Variants in HSPA12B observed in about 807,000 individuals in gnomAD.
The protein encoded by HSPA12B is heat shock protein family A (Hsp70) member 12B.
HSPA12B carries 54 observed loss-of-function variants against 69.3 expected under a neutral mutation model. The ratio of observed to expected loss-of-function variants is 0.78; its 90% confidence interval spans 0.63 to 0.98. The LOEUF is 0.98. Ranked by LOEUF, HSPA12B falls within the 50% of genes least tolerant of loss-of-function variation. The pLI, the probability that HSPA12B is intolerant of heterozygous loss-of-function variation, is 0.00. For missense variants in HSPA12B, 929 were observed against 999.8 expected (o/e 0.93, Z 0.96); for synonymous variants, 441 against 436.5 (o/e 1.01, Z -0.13).
chr20:3,752,048 C>T lies in HSPA12B; in HGVS notation c.1943C>T (p.Pro648Leu). 1 of 1,551,474 alleles carries T rather than the reference C, an allele frequency of 6.4e-7. No homozygotes were observed. The highest frequency in any genetic ancestry group is 8.7e-7 in the Non-Finnish European group (1 of 1,155,000). ...DCGQDTAGAPPGRREIRAAMQ... is the reference protein window; with the variant it reads ...DCGQDTAGAPLGRREIRAAMQ... ...GGCCAGGACACCGCCGGCGCGCCTCCCGGCCGCCGCGAGATCCGCGCCGCC... is the reference window on the plus strand; with the variant it reads ...GGCCAGGACACCGCCGGCGCGCCTCTCGGCCGCCGCGAGATCCGCGCCGCC... Residue 648 changes from proline (P) to leucine (L), a missense_variant, in exon 13 of 13, where the codon CCC (proline) becomes CTC (leucine). By Grantham distance (98) the Pro-to-Leu change is moderately conservative. Coordinates refer to ENST00000254963, the MANE Select transcript of HSPA12B (RefSeq NM_052970.5).
At chr20:3,736,118 G>A (rs780539347) in intron 1 of HSPA12B, among the ~76,000 whole-genome samples, 1 of 152,204 alleles carries the variant, frequency 6.6e-6, no homozygotes, top group Admixed American at 6.5e-5. Flanking sequence ...GCAGAATTGG[G>A]AAGAGATAGA....
At chr20:3,751,459 CG>C in intron 12 of HSPA12B, 51 bp from the exon 13 acceptor site, 2 of 1,369,010 alleles carry the variant, frequency 1.5e-6, no homozygotes, top group Non-Finnish European at 9.4e-7. Context: ...CTCTCTCCCC[CG>C]CCCCTTCTCC....
chr20:3,732,809 G>C lies in HSPA12B; in HGVS notation c.-18+15G>C, dbSNP rs1172103107. The C allele has an allele frequency of 1.3e-5, 2 of 152,132 alleles. No homozygotes were observed. The highest frequency in any genetic ancestry group is 2.4e-5 in the African/African-American group (1 of 41,426). 9.4% of individuals were successfully genotyped at this position (152,132 alleles called of 1,614,324 possible). On this transcript the variant is annotated intron_variant, in intron 1 of 12. Transcript: ENST00000254963. ...GGAGGGCGGAGGTGAGTTCTGGGGC[G>C]GGGGCTGCCGGGCGCCCCGAGTGGA...
At position 3,744,765 on chromosome 20, in the gene HSPA12B, C is replaced by A; in HGVS notation, c.267-137C>A. 1 of 699,196 alleles carries A rather than the reference C, an allele frequency of 1.4e-6. No individual in the cohort carries two copies. The allele number at this position is 699,196 out of a possible 1,614,324, so 43.3% of individuals were successfully genotyped here. On this transcript the variant is annotated intron_variant, in intron 4 of 12. Coordinates refer to ENST00000254963, the MANE Select transcript of HSPA12B (RefSeq NM_052970.5). The surrounding 1 kb of genome is among the most constrained non-coding windows in gnomAD (Gnocchi z 4.9). The stretch of plus-strand genomic sequence containing the variant: ...TCACCTTAGCATTCTTGTGTTTTCT[C>A]CTGCTGCCTATGGAGCCGACCCATA...
chr20:3,748,085 A>G, intron 7 of HSPA12B, 132 bp from the exon 8 acceptor site: 2 of 792,922 alleles, frequency 2.5e-6, no homozygotes, highest in Non-Finnish European at 3.8e-6. Flanking sequence ...GGGGCCTGAG[A>G]GGCCTAACAT....
chr20:3,753,012 A>G lies in HSPA12B; in HGVS notation c.*846A>G, dbSNP rs1056199310. 1 of 153,332 alleles carries G rather than the reference A, an allele frequency of 6.5e-6. No individual in the cohort carries two copies. The highest frequency in any genetic ancestry group is 2.4e-5 in the African/African-American group (1 of 41,424). The allele number at this position is 153,332 out of a possible 1,614,324, so 9.5% of individuals were successfully genotyped here. A position where few individuals can be genotyped will look rare whatever the true frequency, so the allele number is the denominator to read the frequency against. ...TACCGCTCATGGGCCTCAGTTTCCTAAAGTGTGAAATGTCAGGCACTTCCC... is the reference window on the plus strand; with the variant it reads ...TACCGCTCATGGGCCTCAGTTTCCTGAAGTGTGAAATGTCAGGCACTTCCC... On this transcript the variant is annotated 3_prime_UTR_variant, in exon 13 of 13. Coordinates refer to ENST00000254963, the MANE Select transcript of HSPA12B (RefSeq NM_052970.5).
rs36044324 is a variant in HSPA12B at position 3,742,701 on chromosome 20, C to CTT, written c.266+306_266+307dup. On this transcript the variant is annotated intron_variant, in intron 4 of 12. Transcript: ENST00000254963. ...AAATATGCAAATGTTTTTTATTTTCCTTTTTTTTTTTTTTGAGGCGGAGTC... is the reference window on the plus strand; with the variant it reads ...AAATATGCAAATGTTTTTTATTTTCCTTTTTTTTTTTTTTTTGAGGCGGAGTC... 2.5e-4 allele frequency among the ~76,000 whole-genome samples: 36 copies of CTT among 143,082 alleles called. 1 individual carries two copies. The highest frequency in any genetic ancestry group is 4.9e-4 in the Admixed American group (7 of 14,358). 93.9% of individuals were successfully genotyped at this position (143,082 alleles called of 152,430 possible).
In HSPA12B at chr20:3,744,605, G is replaced by A. The variant is rs369683957; in HGVS notation, c.267-297G>A. 1.3e-5 allele frequency among the ~76,000 whole-genome samples: 2 copies of A among 152,162 alleles called. No homozygotes were observed. Among genetic ancestry groups the A allele is most frequent in the South Asian group, 2.1e-4 (1 of 4,822 alleles). ...CTCCTCCTTGGTTTCCTTTCTCCAT[G>A]CTCCCTTCCCTGCATTCTGTTGCTC... On this transcript the variant is annotated intron_variant, in intron 4 of 12. Coordinates refer to ENST00000254963, the MANE Select transcript of HSPA12B (RefSeq NM_052970.5). The surrounding 1 kb of genome is among the most constrained non-coding windows in gnomAD (Gnocchi z 4.9).
At chr20:3,743,422 C>T (rs1264639730) in intron 4 of HSPA12B, among the ~76,000 whole-genome samples, 1 of 151,928 alleles carries the variant, frequency 6.6e-6, no homozygotes, top group Non-Finnish European at 1.5e-5. Flanking sequence ...TCTTGAATTC[C>T]TGGCCTCAAG....
In HSPA12B at chr20:3,752,308, G is replaced by A; in HGVS notation, c.*142G>A. 1 of 806,070 alleles carries A rather than the reference G, an allele frequency of 1.2e-6. No individual in the cohort carries two copies. The highest frequency in any genetic ancestry group is 1.8e-6 in the Non-Finnish European group (1 of 558,730). 49.9% of individuals were successfully genotyped at this position (806,070 alleles called of 1,614,324 possible). ...CGCCCTCCAGCCCCGGGGGAGATAA[G>A]GTCATGGGAGAGTGGGTGGGGACAC... On this transcript the variant is annotated 3_prime_UTR_variant, in exon 13 of 13. Coordinates refer to ENST00000254963, the MANE Select transcript of HSPA12B (RefSeq NM_052970.5).
intron 1 of HSPA12B, among the ~76,000 whole-genome samples, chr20:3,735,762 G>A (rs915739354): frequency 3.3e-5 from 5 of 151,990 alleles, no homozygotes; most frequent in African/African-American, 4.8e-5. Flanking sequence ...CACGGCGCCC[G>A]GCCCAGAGTC....
At chr20:3,739,385 T>A (rs991965553) in intron 2 of HSPA12B, among the ~76,000 whole-genome samples, 11 of 152,224 alleles carry the variant, frequency 7.2e-5, no homozygotes, top group Admixed American at 7.2e-4. Context: ...GAGTTCTGCG[T>A]GTGCATGTGC....
chr20:3,745,144 T>C lies in HSPA12B; in HGVS notation c.453+56T>C. 7.9e-7 allele frequency: 1 copy of C among 1,266,298 alleles called. No individual in the cohort carries two copies. The allele number at this position is 1,266,298 out of a possible 1,614,324, so 78.4% of individuals were successfully genotyped here. A position where few individuals can be genotyped will look rare whatever the true frequency, so the allele number is the denominator to read the frequency against. On this transcript the variant is annotated intron_variant, in intron 5 of 12. Transcript: ENST00000254963. This position sits in a 1 kb window ranked among gnomAD's most constrained non-coding sequence, Gnocchi z 5.6. ...GGGCCAGCATGGAAAAGGGCAGGGC[T>C]AATGGGGGTGGGTGGGACAAAACCA...
rs755504407 is a variant in HSPA12B, at chr20:3,749,974, C to T, written c.1048C>T (p.Pro350Ser). ...LKELYKASGGPYGAVGVDLAF... is the reference protein window; with the variant it reads ...LKELYKASGGSYGAVGVDLAF... Reference sequence around the variant, plus strand: ...CGCCCCCTGCTCCACCCCAGGGGGCCCTTATGGCGCGGTGGGCGTGGACCT... The same window carrying T: ...CGCCCCCTGCTCCACCCCAGGGGGCTCTTATGGCGCGGTGGGCGTGGACCT... Residue 350 changes from proline (P) to serine (S), a missense_variant, in exon 11 of 13, where the codon CCT becomes TCT. Transcript: ENST00000254963. The surrounding 1 kb of genome is among the most constrained non-coding windows in gnomAD (Gnocchi z 5.5). The T allele has an allele frequency of 1.3e-5, 21 of 1,565,208 alleles. No homozygotes were observed. Among genetic ancestry groups the T allele is most frequent in the Non-Finnish European group, 1.8e-5 (21 of 1,154,284 alleles).
chr20:3,750,325 T>C, intron 11 of HSPA12B, 98 bp downstream of exon 11: 1 of 1,271,112 alleles, frequency 7.9e-7, no homozygotes, highest in Admixed American at 2.7e-5. Flanking sequence ...GGGGTCTGCC[T>C]GATTCATCCC....
At position 3,740,713 on chromosome 20, in the gene HSPA12B, C is replaced by T; in HGVS notation, c.44-102C>T. Reference sequence around the variant, plus strand: ...CCCAGCAGAGAGCCCTTTGCCTTAGCCCAGCAAGGACTGATGGAGAACCTT... The same window carrying T: ...CCCAGCAGAGAGCCCTTTGCCTTAGTCCAGCAAGGACTGATGGAGAACCTT... On this transcript the variant is annotated intron_variant, in intron 2 of 12. Transcript: ENST00000254963. The surrounding 1 kb of genome is among the most constrained non-coding windows in gnomAD (Gnocchi z 4.9). The T allele has an allele frequency of 1.1e-6, 1 of 883,734 alleles. No homozygotes were observed. The highest frequency in any genetic ancestry group is 1.4e-5 in the South Asian group (1 of 69,908). 54.7% of individuals were successfully genotyped at this position (883,734 alleles called of 1,614,324 possible). A position where few individuals can be genotyped will look rare whatever the true frequency, so the allele number is the denominator to read the frequency against.
At position 3,749,944 on chromosome 20, in the gene HSPA12B, C is replaced by T. The variant is rs2088381047; in HGVS notation, c.1043-25C>T. 1 of 1,550,040 alleles carries T rather than the reference C, an allele frequency of 6.5e-7. No homozygotes were observed. On this transcript the variant is annotated intron_variant, in intron 10 of 12. Transcript: ENST00000254963. This position sits in a 1 kb window ranked among gnomAD's most constrained non-coding sequence, Gnocchi z 5.5. ...TGGCGGCCCGGCGAGCGCTGACGCC[C>T]TCTTCGCCCCCTGCTCCACCCCAGG... is the stretch of plus-strand genomic sequence containing the variant.
rs931264859 is a variant in HSPA12B, at chr20:3,738,517, T to A, written c.-17-141T>A. 18 of 688,428 alleles carry A rather than the reference T, an allele frequency of 2.6e-5. No individual in the cohort carries two copies. The African/African-American group carries it at 3.0e-4, about 12-fold the overall frequency. The allele number at this position is 688,428 out of a possible 1,614,324, so 42.6% of individuals were successfully genotyped here. A position where few individuals can be genotyped will look rare whatever the true frequency, so the allele number is the denominator to read the frequency against. ...TCTGTTGGAGAGATGTATTAAAGAG[T>A]TCACGGGTGAAACAACATGATGGCT... On this transcript the variant is annotated intron_variant, in intron 1 of 12. Coordinates refer to ENST00000254963, the MANE Select transcript of HSPA12B (RefSeq NM_052970.5).
At chr20:3,742,463 C>T in intron 4 of HSPA12B, 55 bp downstream of exon 4, 2 of 1,416,904 alleles carry the variant, frequency 1.4e-6, no homozygotes, top group African/African-American at 1.4e-5. Context: ...GTTCCTCATA[C>T]CTTGGTCCCA....
Sources: allele counts gnomAD v4.1 joint callset (sites outside exome capture counted in the v4.1 genomes callset), GRCh38; gene constraint gnomAD v4.1.1; non-coding constraint Gnocchi (gnomAD v3.1); transcripts MANE v1.5; gene names NCBI Gene and HGNC (gene_info 2026-07-23, HGNC 2026-07-21).